Variants in TXK observed in about 807,000 individuals in gnomAD.
TXK encodes tyrosine-protein kinase TXK.
In TXK, 60 loss-of-function variants were observed where a neutral mutation model predicts 81.0. The ratio of observed to expected loss-of-function variants is 0.74; its 90% CI spans 0.60 to 0.92. The LOEUF is 0.92. Among genes scored for constraint, TXK ranks in the 40% least tolerant of loss-of-function variants. The probability of loss-of-function intolerance (pLI) is 0.00; values close to 1 mark genes in which losing one functional copy is unlikely to be tolerated. For missense variants in TXK, 581 were observed against 638.3 expected, an observed-to-expected ratio of 0.91 and a Z score of 0.97; for synonymous variants, 203 against 210.7, an observed-to-expected ratio of 0.96 and a Z score of 0.32.
chr4:48,107,220 T>C (rs1348676934), intron 5 of TXK, among the ~76,000 whole-genome samples: 1 of 151,668 alleles, frequency 6.6e-6, no homozygotes, highest in East Asian at 1.9e-4. Context: ...GTATACCAAA[T>C]TTTATAAGTT....
chr4:48,128,597 A>C (rs1719157077), intron 1 of TXK, among the ~76,000 whole-genome samples: 1 of 109,052 alleles, frequency 9.2e-6, no homozygotes, highest in Non-Finnish European at 1.7e-5. Flanking sequence ...ATGGAGTCTC[A>C]CTCTGTCTCC....
In TXK at chr4:48,080,026, G is replaced by C; in HGVS notation, c.1059C>G (p.Asn353Lys). The change falls in exon 11 of 15, where the codon AAC (asparagine) becomes AAG (lysine). Residue 353 changes from asparagine (N) to lysine (K), a missense_variant. Transcript: ENST00000264316. ...TEFMENGCLL[N>K]YLRENKGKLR... ...GCTTTCCTTTATTCTCCCTGAGATA[G>C]TTAAGCAGGCAGCCATTTTCCATGA... The C allele has an allele frequency of 6.2e-7, 1 of 1,613,984 alleles. No homozygotes were observed. Among genetic ancestry groups the C allele is most frequent in the Non-Finnish European group, 8.5e-7 (1 of 1,179,976 alleles).
At chr4:48,091,141 T>C (rs1242954334) in intron 8 of TXK, among the ~76,000 whole-genome samples, 2 of 152,144 alleles carry the variant, frequency 1.3e-5, no homozygotes, top group African/African-American at 4.8e-5. Context: ...TGGAGATGCA[T>C]ATAGGGTGCC....
intron 3 of TXK, 65 bp downstream of exon 3, chr4:48,113,142 A>AAT: frequency 8.3e-7 from 1 of 1,199,620 alleles, no homozygotes; most frequent in Non-Finnish European, 1.2e-6. Context: ...ACAGCACCTC[A>AAT]TGAATGAAGA....
chr4:48,120,168 T>C (rs145312896), intron 1 of TXK, among the ~76,000 whole-genome samples: 58,087 of 147,192 alleles, frequency 0.39, 12,942 homozygotes, highest in East Asian at 0.65. Context: ...TATATATGTA[T>C]ATACGTATAT....
At chr4:48,103,940 C>A (rs1235718838) in intron 6 of TXK, among the ~76,000 whole-genome samples, 1 of 151,718 alleles carries the variant, frequency 6.6e-6, no homozygotes, top group Non-Finnish European at 1.5e-5. Flanking sequence ...TGGTGGCTCA[C>A]ACCTGTAATC....
intron 6 of TXK, among the ~76,000 whole-genome samples, chr4:48,103,772 T>C (rs1004737033): frequency 2.0e-5 from 3 of 152,232 alleles, no homozygotes; most frequent in Non-Finnish European, 4.4e-5. Context: ...CTCTTTCCTT[T>C]GTTTCCAAAG....
At chr4:48,120,098 C>G (rs532681280) in intron 1 of TXK, among the ~76,000 whole-genome samples, 1 of 150,536 alleles carries the variant, frequency 6.6e-6, no homozygotes. Context: ...CACACGTACA[C>G]AAATATACGT....
chr4:48,132,503 C>T (rs1719270406), intron 1 of TXK, among the ~76,000 whole-genome samples: 1 of 152,210 alleles, frequency 6.6e-6, no homozygotes, highest in African/African-American at 2.4e-5. Flanking sequence ...TTGTGGATCA[C>T]AGTTGGCAGC....
At chr4:48,090,780 A>G (rs899669143) in intron 8 of TXK, among the ~76,000 whole-genome samples, 17 of 152,204 alleles carry the variant, frequency 1.1e-4, no homozygotes, top group Admixed American at 2.6e-4. Context: ...ATGATGATTA[A>G]GTGCAAGGCA....
chr4:48,115,853 A>C (rs1718797661), intron 1 of TXK, among the ~76,000 whole-genome samples: 1 of 146,972 alleles, frequency 6.8e-6, no homozygotes, highest in South Asian at 2.1e-4. Context: ...AGACTCTGTC[A>C]AAAAAAAAAC....
chr4:48,104,890 C>T lies in TXK; in HGVS notation c.501+11G>A, dbSNP rs766505222. On this transcript the variant is annotated intron_variant, in intron 6 of 14. Coordinates refer to ENST00000264316, the MANE Select transcript of TXK (RefSeq NM_003328.3). ...GAGATTTTGAAAATGTCCACAAATA[C>T]ATTGAATTACCTCTTGTCTCAATAG... The T allele has an allele frequency of 4.4e-6, 7 of 1,584,256 alleles. No individual in the cohort carries two copies. The East Asian group carries it at 7.0e-5, about 16-fold the overall frequency.
At chr4:48,078,348 G>A (rs542245412) in intron 11 of TXK, among the ~76,000 whole-genome samples, 1 of 152,248 alleles carries the variant, frequency 6.6e-6, no homozygotes, top group Non-Finnish European at 1.5e-5. Flanking sequence ...ATGTAATTAT[G>A]CTCCCTTTTT....
intron 11 of TXK, among the ~76,000 whole-genome samples, chr4:48,079,692 CT>C (rs906321162): frequency 6.6e-6 from 1 of 152,310 alleles, no homozygotes; most frequent in South Asian, 2.1e-4. Flanking sequence ...TAAATCGGCT[CT>C]GTCTAGGCAG....
chr4:48,124,249 C>T (rs542976134), intron 1 of TXK, among the ~76,000 whole-genome samples: 18 of 152,082 alleles, frequency 1.2e-4, no homozygotes, highest in African/African-American at 3.4e-4. Context: ...CACTAGATGC[C>T]GGCAGCAACA....
At chr4:48,084,942 CTTGT>C (rs748386132) in intron 10 of TXK, among the ~76,000 whole-genome samples, 2 of 99,756 alleles carry the variant, frequency 2.0e-5, no homozygotes, top group Non-Finnish European at 4.6e-5. Context: ...TTGTTGTTTG[CTTGT>C]TTGTTTGTTT....
intron 14 of TXK, among the ~76,000 whole-genome samples, chr4:48,068,786 T>C (rs1451451574): frequency 1.3e-5 from 2 of 152,118 alleles, no homozygotes; most frequent in African/African-American, 4.8e-5. Context: ...TCATTGACAG[T>C]AGGGTCAGCG....
At chr4:48,119,982 C>A (rs1028383366) in intron 1 of TXK, among the ~76,000 whole-genome samples, 2 of 151,758 alleles carry the variant, frequency 1.3e-5, no homozygotes, top group African/African-American at 4.8e-5. Context: ...TGTGCCCAAG[C>A]CCACTTGGAG....
At chr4:48,114,050 G>A (rs756512315) in intron 2 of TXK, among the ~76,000 whole-genome samples, 2 of 152,132 alleles carry the variant, frequency 1.3e-5, no homozygotes, top group African/African-American at 2.4e-5. Context: ...GAAAAAATAC[G>A]TATTGGAGCA....
Sources: allele counts gnomAD v4.1 joint callset (sites outside exome capture counted in the v4.1 genomes callset), GRCh38; gene constraint gnomAD v4.1.1; transcripts MANE v1.5; gene names NCBI Gene and HGNC (gene_info 2026-07-23, HGNC 2026-07-21).